DNM2: variants seen among roughly 807,000 people sequenced by gnomAD.
The protein encoded by DNM2 is dynamin-2.
DNM2 carries 15 observed loss-of-function variants against 99.0 expected under a neutral mutation model. That is an observed-to-expected ratio of 0.15 (90% CI 0.10 to 0.23). The LOEUF (loss-of-function observed/expected upper bound fraction) is 0.23, where lower values mean the gene tolerates loss of function less well. Among genes scored for constraint, DNM2 ranks in the 10% least tolerant of loss-of-function variants. The pLI, the probability that DNM2 is intolerant of heterozygous loss-of-function variation, is 1.00. For synonymous variants in DNM2, 525 were observed against 481.2 expected (o/e 1.09, Z -1.19); for missense variants, 742 against 1,189.4 (o/e 0.62, Z 5.53).
intron 8 of DNM2, 148 bp downstream of exon 8, chr19:10,794,003 G>A (rs1294771272): frequency 1.3e-5 from 16 of 1,254,630 alleles, no homozygotes; most frequent in African/African-American, 4.5e-5. Context: ...TGGATGAGGT[G>A]TCCCCATGGG....
Position 10,753,975 on chromosome 19 carries a change from G to A in DNM2, c.162-5763G>A, listed in dbSNP as rs111863573. ...CCCAGCAATATATCTTATATATAAGGTGATTGAAAATATATGTTTTCAAAA... is the reference window on the plus strand; with the variant it reads ...CCCAGCAATATATCTTATATATAAGATGATTGAAAATATATGTTTTCAAAA... On this transcript the variant is annotated intron_variant, in intron 1 of 20. Coordinates refer to ENST00000389253, the MANE Select transcript of DNM2 (RefSeq NM_001005361.3). Among the ~76,000 whole-genome samples, 1,347 of 152,198 alleles carry A rather than the reference G, an allele frequency of 8.9e-3. 12 individuals are homozygous for A. The highest frequency in any genetic ancestry group is 0.031 in the African/African-American group (1,268 of 41,510).
chr19:10,731,953 A>AT (rs1393753614), intron 1 of DNM2, among the ~76,000 whole-genome samples: 3,881 of 132,490 alleles, frequency 0.029, 174 homozygotes, highest in African/African-American at 0.095. Context: ...CACAGGCTTG[A>AT]TTTTTTTTTT....
At chr19:10,729,195 A>ATAT (rs2069222343) in intron 1 of DNM2, among the ~76,000 whole-genome samples, 1 of 144,458 alleles carries the variant, frequency 6.9e-6, no homozygotes, top group African/African-American at 2.6e-5. Context: ...AAAAAATATA[A>ATAT]AAAATTAGCC....
chr19:10,792,480 C>T (rs2071785236), intron 7 of DNM2, among the ~76,000 whole-genome samples: 1 of 152,242 alleles, frequency 6.6e-6, no homozygotes, highest in Non-Finnish European at 1.5e-5. Flanking sequence ...TTACTATTCA[C>T]GATGCCAATA....
intron 1 of DNM2, among the ~76,000 whole-genome samples, chr19:10,737,220 T>C (rs1464114990): frequency 2.6e-5 from 4 of 152,104 alleles, no homozygotes; most frequent in Non-Finnish European, 4.4e-5. Flanking sequence ...TGAGGCTCCA[T>C]GATGTTCTCA....
At chr19:10,781,320 C>T (rs1323821373) in intron 5 of DNM2, 1 of 152,276 alleles carries the variant, frequency 6.6e-6, no homozygotes, top group Non-Finnish European at 1.5e-5. Flanking sequence ...TCTTGGGTCT[C>T]CTACTGTGAC....
intron 8 of DNM2, 83 bp downstream of exon 8, chr19:10,793,938 T>A: frequency 6.2e-7 from 1 of 1,609,562 alleles, no homozygotes. Flanking sequence ...TCCCAGGCAA[T>A]AAGGTCTCAA....
chr19:10,806,071 C>A, intron 13 of DNM2, 104 bp downstream of exon 13: 2 of 1,431,014 alleles, frequency 1.4e-6, no homozygotes, highest in Non-Finnish European at 2.0e-6. Context: ...AAGCCCCACC[C>A]CACAGCCTCA....
Position 10,817,818 on chromosome 19 carries a change from C to T in DNM2, c.1672-2162C>T, listed in dbSNP as rs76440766. Among the ~76,000 whole-genome samples the T allele has an allele frequency of 0.055, 4,864 of 88,708 alleles. 317 individuals are homozygous for T. Among genetic ancestry groups the T allele is most frequent in the East Asian group, 0.43 (1,356 of 3,164 alleles). 58.2% of individuals were successfully genotyped at this position (88,708 alleles called of 152,430 possible). On this transcript the variant is annotated intron_variant, in intron 15 of 20. Coordinates refer to ENST00000389253, the MANE Select transcript of DNM2 (RefSeq NM_001005361.3). The surrounding 1 kb of genome is among the most constrained non-coding windows in gnomAD (Gnocchi z 4.6). ...ACACACACGTGTGTGTGTGTGTGTGCGCGCGCGCGCACGCGTGCGTGCCGG... is the reference window on the plus strand; with the variant it reads ...ACACACACGTGTGTGTGTGTGTGTGTGCGCGCGCGCACGCGTGCGTGCCGG...
chr19:10,760,057 A>G (rs2070565863), intron 2 of DNM2, among the ~76,000 whole-genome samples: 1 of 151,980 alleles, frequency 6.6e-6, no homozygotes, highest in African/African-American at 2.4e-5. Flanking sequence ...TTTTTGAGAC[A>G]GAGTCTCACT....
chr19:10,737,623 T>G (rs1037094612), intron 1 of DNM2, among the ~76,000 whole-genome samples: 1 of 152,094 alleles, frequency 6.6e-6, no homozygotes, highest in Non-Finnish European at 1.5e-5. Context: ...GTAGCTGGGA[T>G]TACAGGCGCA....
Position 10,827,867 on chromosome 19 carries a change from C to CA in DNM2, c.2059-1160dup, listed in dbSNP as rs1025651475. ...CTGGTGACAGAGGGAGACTCTGTCT[C>CA]AAAAAAAAAGAAAAAAAAAAGTAAC... On this transcript the variant is annotated intron_variant, in intron 18 of 20. Transcript: ENST00000389253. Among the ~76,000 whole-genome samples, 8 of 140,116 alleles carry CA rather than the reference C, an allele frequency of 5.7e-5. No homozygotes were observed. In the South Asian group the frequency reaches 6.8e-4, roughly 12 times the overall value. The allele number at this position is 140,116 out of a possible 152,430, so 91.9% of individuals were successfully genotyped here.
Position 10,759,828 on chromosome 19 carries a change from T to A in DNM2, c.235+17T>A. The A allele has an allele frequency of 6.2e-7, 1 of 1,614,076 alleles. No homozygotes were observed. The highest frequency in any genetic ancestry group is 8.5e-7 in the Non-Finnish European group (1 of 1,179,990). ...CAAAAACAGGTAAAATGGGGCGGCCTGAGGTTCAGCAGGAAGTGGATGTGG... is the reference window on the plus strand; with the variant it reads ...CAAAAACAGGTAAAATGGGGCGGCCAGAGGTTCAGCAGGAAGTGGATGTGG... On this transcript the variant is annotated intron_variant, in intron 2 of 20. Transcript: ENST00000389253.
intron 2 of DNM2, among the ~76,000 whole-genome samples, chr19:10,770,153 G>T (rs1373805712): frequency 6.6e-6 from 1 of 152,154 alleles, no homozygotes; most frequent in African/African-American, 2.4e-5. Context: ...ATGATGGGAC[G>T]GTGAAACTCC....
At chr19:10,721,368 GCTGGT>G in intron 1 of DNM2, among the ~76,000 whole-genome samples, 1 of 152,210 alleles carries the variant, frequency 6.6e-6, no homozygotes, top group African/African-American at 2.4e-5. Context: ...TGTTGGCCAG[GCTGGT>G]CTTGAACTCC....
At chr19:10,783,814 C>T (rs1233805591) in intron 6 of DNM2, among the ~76,000 whole-genome samples, 11 of 151,880 alleles carry the variant, frequency 7.2e-5, no homozygotes, top group Non-Finnish European at 1.6e-4. Flanking sequence ...GATTCTCCTG[C>T]CTCAGCTTCC....
At chr19:10,827,777 G>A (rs973640501) in intron 18 of DNM2, among the ~76,000 whole-genome samples, 10 of 151,942 alleles carry the variant, frequency 6.6e-5, no homozygotes, top group African/African-American at 2.2e-4. Flanking sequence ...GCTGAGGCAG[G>A]AGAATCACTT....
At chr19:10,732,115 C>T (rs537825059) in intron 1 of DNM2, among the ~76,000 whole-genome samples, 122 of 151,506 alleles carry the variant, frequency 8.1e-4, no homozygotes, top group Non-Finnish European at 1.0e-3. Context: ...CCATCACACC[C>T]GGCTAATTTT....
rs780477829 is a variant in DNM2, at chr19:10,786,558, C to T, written c.850-6C>T. 1 of 1,614,038 alleles carries T rather than the reference C, an allele frequency of 6.2e-7. No homozygotes were observed. On this transcript the variant is annotated splice_polypyrimidine_tract_variant and splice_region_variant and intron_variant, in intron 6 of 20. Coordinates refer to ENST00000389253, the MANE Select transcript of DNM2 (RefSeq NM_001005361.3). ...CCCTTTCTGATCTCTGACCTCTCTC[C>T]TGCAGCAACTGACCAACCACATCCG...
Sources: allele counts gnomAD v4.1 joint callset (sites outside exome capture counted in the v4.1 genomes callset), GRCh38; gene constraint gnomAD v4.1.1; non-coding constraint Gnocchi (gnomAD v3.1); transcripts MANE v1.5; gene names NCBI Gene and HGNC (gene_info 2026-07-23, HGNC 2026-07-21).